Variants in HJURP observed in about 807,000 individuals in gnomAD.
HJURP encodes 14-3-3-associated AKT substrate.
HJURP carries 49 observed loss-of-function variants against 72.0 expected under a neutral mutation model. That is an observed-to-expected ratio of 0.68 (90% CI 0.54 to 0.86). The LOEUF is 0.86. HJURP is among the 40% of genes least tolerant of loss of function. The pLI, the probability that HJURP is intolerant of heterozygous loss-of-function variation, is 0.00. For synonymous variants in HJURP, 357 were observed against 347.1 expected, an observed-to-expected ratio of 1.03 and a Z score of -0.32; for missense variants, 908 against 936.3, an observed-to-expected ratio of 0.97 and a Z score of 0.39.
At chr2:233,847,292 G>T in intron 5 of HJURP, 105 bp downstream of exon 5, 1 of 841,022 alleles carries the variant, frequency 1.2e-6, no homozygotes. Context: ...AGGACTTCCA[G>T]AAAAGTGCAG....
rs77948000 is a variant in HJURP, at chr2:233,848,110, T to C, written c.338-649A>G. On this transcript the variant is annotated intron_variant, in intron 4 of 8. Transcript: ENST00000411486. ...ACTCTGAAAGACCACCAGCTTCCCT[T>C]TAGCGACTCAACACCCATCACTAAC... Among the ~76,000 whole-genome samples the C allele has an allele frequency of 5.9e-4, 90 of 152,250 alleles. 1 individual carries two copies. The East Asian group carries it at 0.016, about 28-fold the overall frequency.
At position 233,846,324 on chromosome 2, in the gene HJURP, C is replaced by T. The variant is rs1020617817; in HGVS notation, c.403-504G>A. ...AAAATTAGCTGGGCATGGTGGTGGG[C>T]GCCTGTAGTCCCAGCTACTTGGGAG... On this transcript the variant is annotated intron_variant, in intron 5 of 8. Coordinates refer to ENST00000411486, the MANE Select transcript of HJURP (RefSeq NM_018410.5). This position sits in a 1 kb window ranked among gnomAD's most constrained non-coding sequence, Gnocchi z 4.3. 5.3e-5 allele frequency among the ~76,000 whole-genome samples: 8 copies of T among 151,968 alleles called. No homozygotes were observed. The highest frequency in any genetic ancestry group is 1.3e-4 in the Admixed American group (2 of 15,268).
Position 233,840,708 on chromosome 2 carries a change from G to A in HJURP, c.2072C>T (p.Ser691Phe), listed in dbSNP as rs12582. 167,996 of 1,613,832 alleles carry A rather than the reference G, an allele frequency of 0.1. 10,792 individuals carry two copies. Among genetic ancestry groups the A allele is most frequent in the East Asian group, 0.35 (15,618 of 44,808 alleles). Reference sequence around the variant, plus strand: ...ACCCAGGGAATTGCCCTGGCGTCCGGAGCCCTGGGGTTCTGATAGCCTGGG... The same window carrying A: ...ACCCAGGGAATTGCCCTGGCGTCCGAAGCCCTGGGGTTCTGATAGCCTGGG... ...KRPRLSEPQG[S>F]GRQGNSLGAS... Residue 691 changes from serine (S) to phenylalanine (F), a missense_variant, in exon 8 of 9, where the codon TCC becomes TTC. This residue lies in a region of HJURP where 598 missense variants were observed against 619.5 expected (regional missense o/e 0.97). Coordinates refer to ENST00000411486, the MANE Select transcript of HJURP (RefSeq NM_018410.5).
In HJURP at chr2:233,841,371, C is replaced by G. The variant is rs775357743; in HGVS notation, c.1409G>C (p.Gly470Ala). Reference protein sequence around the residue: ...DSWAMNMYRGGPASPGGLQGL... With the variant: ...DSWAMNMYRGAPASPGGLQGL... ...CTGAAGGCCACCAGGACTCGCAGGACCCCCTCTGTACATGTTCATGGCCCA... is the reference window on the plus strand; with the variant it reads ...CTGAAGGCCACCAGGACTCGCAGGAGCCCCTCTGTACATGTTCATGGCCCA... Residue 470 changes from glycine (G) to alanine (A), a missense_variant, in exon 8 of 9, where the codon GGT becomes GCT. Physicochemically the swap from Gly to Ala is moderately conservative, Grantham distance 60 (BLOSUM62 0). This residue lies in a region of HJURP where 598 missense variants were observed against 619.5 expected (regional missense o/e 0.97). Transcript: ENST00000411486. The G allele has an allele frequency of 4.5e-5, 72 of 1,614,000 alleles. No homozygotes were observed. The highest frequency in any genetic ancestry group is 5.1e-6 in the Non-Finnish European group (6 of 1,180,012).
Position 233,852,604 on chromosome 2 carries a change from A to G in HJURP, c.201T>C (p.Gly67=). 6.2e-7 allele frequency: 1 copy of G among 1,605,090 alleles called. No individual in the cohort carries two copies. The highest frequency in any genetic ancestry group is 8.5e-7 in the Non-Finnish European group (1 of 1,171,632). The change falls in exon 3 of 9, where the codon GGT becomes GGC. Residue 67 remains glycine, a synonymous_variant. Coordinates refer to ENST00000411486, the MANE Select transcript of HJURP (RefSeq NM_018410.5). ...YETPQGLRIW[G]GRLIKERNEG... Reference sequence around the variant, plus strand: ...CGTTTCTTTCCTTTATTAGTCTTCCACCCCAAATTCTCAATCCTGAAGAAA... The same window carrying G: ...CGTTTCTTTCCTTTATTAGTCTTCCGCCCCAAATTCTCAATCCTGAAGAAA...
At chr2:233,838,353 C>T (rs1307918669) in intron 8 of HJURP, among the ~76,000 whole-genome samples, 1 of 152,166 alleles carries the variant, frequency 6.6e-6, no homozygotes, top group Non-Finnish European at 1.5e-5. Context: ...TCACACCATT[C>T]TCTACAAGGC....
intron 4 of HJURP, 139 bp from the exon 5 acceptor site, chr2:233,847,600 A>G (rs1705396125): frequency 1.4e-6 from 1 of 713,358 alleles, no homozygotes; most frequent in African/African-American, 1.7e-5. Context: ...CACTGGAGCC[A>G]TCTACGGCTG....
At position 233,852,556 on chromosome 2, in the gene HJURP, AC is replaced by A. The variant is rs760568169; in HGVS notation, c.240+8del. On this transcript the variant is annotated splice_region_variant and intron_variant, in intron 3 of 8. Transcript: ENST00000411486. ...AGGTTATTTGGCAATAAAATTTGAC[AC>A]TAAATACCTGGATCTCTCCTTCGTT... The A allele has an allele frequency of 2.6e-5, 41 of 1,584,292 alleles. No homozygotes were observed. In the South Asian group the frequency reaches 4.4e-4, roughly 17 times the overall value.
At chr2:233,838,830 G>T (rs998458548) in intron 8 of HJURP, among the ~76,000 whole-genome samples, 1 of 152,204 alleles carries the variant, frequency 6.6e-6, no homozygotes, top group Admixed American at 6.5e-5. Flanking sequence ...ATTCTTGAAG[G>T]CTTCACTAAC....
In HJURP at chr2:233,845,718, AAC is replaced by A. The variant is rs767338376; in HGVS notation, c.495+8_495+9del. On this transcript the variant is annotated splice_region_variant and intron_variant, in intron 6 of 8. Coordinates refer to ENST00000411486, the MANE Select transcript of HJURP (RefSeq NM_018410.5). ...ATTATATAAAAACAAACAACTGGGA[AAC>A]AGATTACCTCAAAATACTCTGCACC... 1.5e-4 allele frequency: 233 copies of A among 1,541,100 alleles called. No homozygotes were observed. The highest frequency in any genetic ancestry group is 2.0e-4 in the Non-Finnish European group (222 of 1,117,952).
At chr2:233,845,527 T>C (rs1252510117) in intron 6 of HJURP, among the ~76,000 whole-genome samples, 1 of 152,188 alleles carries the variant, frequency 6.6e-6, no homozygotes, top group African/African-American at 2.4e-5. Context: ...ACCTTCCTGA[T>C]GGCGCTGCCC....
intron 1 of HJURP, 115 bp downstream of exon 1, chr2:233,854,268 CT>C: frequency 1.5e-6 from 1 of 688,032 alleles, no homozygotes; most frequent in African/African-American, 1.8e-5. Flanking sequence ...CCCAGTCCCG[CT>C]TCCCCAACCC....
At position 233,846,415 on chromosome 2, in the gene HJURP, G is replaced by A. The variant is rs539610238; in HGVS notation, c.403-595C>T. 3.3e-5 allele frequency among the ~76,000 whole-genome samples: 5 copies of A among 152,100 alleles called. No homozygotes were observed. Among genetic ancestry groups the A allele is most frequent in the Non-Finnish European group, 7.3e-5 (5 of 68,030 alleles). ...TGCAGTGAGCTGAGATTGCCCCACC[G>A]CACTCCAGCCTGGGTGACAGAGTGA... is the stretch of plus-strand genomic sequence containing the variant. On this transcript the variant is annotated intron_variant, in intron 5 of 8. Coordinates refer to ENST00000411486, the MANE Select transcript of HJURP (RefSeq NM_018410.5). This position sits in a 1 kb window ranked among gnomAD's most constrained non-coding sequence, Gnocchi z 4.3.
At chr2:233,850,720 G>A (rs1488077479) in intron 3 of HJURP, among the ~76,000 whole-genome samples, 7 of 152,120 alleles carry the variant, frequency 4.6e-5, no homozygotes. Context: ...CAGTGAAACC[G>A]TCACGTAAGG....
chr2:233,854,446 G>A lies in HJURP; in HGVS notation c.55C>T (p.Leu19=). The change falls in exon 1 of 9, where the codon CTG becomes TTG. Residue 19 remains leucine (L), a synonymous_variant. Coordinates refer to ENST00000411486, the MANE Select transcript of HJURP (RefSeq NM_018410.5). ...CGGCGACTGGCCCTGAGCTTCTGCAGCAGCTGGTCGTCTTCCACGTCCTCG... is the reference window on the plus strand; with the variant it reads ...CGGCGACTGGCCCTGAGCTTCTGCAACAGCTGGTCGTCTTCCACGTCCTCG... ...EGEDVEDDQL[L]QKLRASRRRF... is the part of the protein sequence containing the mutation. 5 of 1,612,462 alleles carry A rather than the reference G, an allele frequency of 3.1e-6. No homozygotes were observed. Among genetic ancestry groups the A allele is most frequent in the Non-Finnish European group, 4.2e-6 (5 of 1,179,482 alleles).
chr2:233,842,617 G>GA (rs1267593275), intron 7 of HJURP, among the ~76,000 whole-genome samples: 1 of 146,494 alleles, frequency 6.8e-6, no homozygotes, highest in African/African-American at 2.6e-5. Flanking sequence ...ACAGTGATGG[G>GA]AAAAAACCAT....
At chr2:233,853,698 G>C (rs1375823685) in intron 2 of HJURP, 146 bp downstream of exon 2, 2 of 593,310 alleles carry the variant, frequency 3.4e-6, no homozygotes, top group African/African-American at 1.8e-5. Context: ...AGTAATTCAA[G>C]TAATTTACAG....
chr2:233,838,165 A>T (rs1365607478), intron 8 of HJURP, among the ~76,000 whole-genome samples: 5 of 152,226 alleles, frequency 3.3e-5, no homozygotes, highest in African/African-American at 4.8e-5. Context: ...GAAATCTATC[A>T]TTTAAGCGGG....
chr2:233,839,880 G>A (rs191890249), intron 8 of HJURP, among the ~76,000 whole-genome samples: 2 of 152,236 alleles, frequency 1.3e-5, no homozygotes, highest in Admixed American at 1.3e-4. Context: ...GTCAAGTCCC[G>A]TCCACCTGTG....
Sources: gnomAD v4.1 joint callset for allele counts (sites outside exome capture counted in the v4.1 genomes callset) on GRCh38, gnomAD v4.1.1 for gene constraint, gnomAD v4.1.1 regional missense constraint, Gnocchi (gnomAD v3.1) non-coding constraint, MANE v1.5 for transcripts, NCBI Gene and HGNC (gene_info 2026-07-23, HGNC 2026-07-21) for gene names.